FGF14: variants seen among roughly 807,000 people sequenced by gnomAD.
The protein encoded by FGF14 is fibroblast growth factor homologous factor 4.
Under a neutral mutation model 25.5 loss-of-function variants are expected in FGF14, and 5 were observed. The observed-to-expected ratio is 0.20, with a 90% confidence interval of 0.10 to 0.41. FGF14 has a LOEUF of 0.41. Ranked by LOEUF, FGF14 falls within the 10% of genes least tolerant of loss-of-function variation. The pLI is 1.00. For synonymous variants in FGF14, 138 were observed against 118.3 expected (o/e 1.17, Z -1.08); for missense variants, 222 against 320.1 (o/e 0.69, Z 2.34).
At chr13:102,186,101 C>G (rs2048863555) in intron 1 of FGF14, among the ~76,000 whole-genome samples, 1 of 151,908 alleles carries the variant, frequency 6.6e-6, no homozygotes, top group Non-Finnish European at 1.5e-5. Flanking sequence ...TGATTTTTTT[C>G]CAGGTTAAAA....
rs538845597 is a variant in FGF14 at position 101,991,899 on chromosome 13, G to A, written c.209-116603C>T. On this transcript the variant is annotated intron_variant, in intron 1 of 4. Transcript: ENST00000376131. ...TCATGTTTCCTTCACGCAGGGAGAA[G>A]GACAAAGTGACCTTTTTGAAATATG... 6.6e-5 allele frequency among the ~76,000 whole-genome samples: 10 copies of A among 152,024 alleles called. No individual in the cohort carries two copies. The East Asian group carries it at 1.7e-3, about 26-fold the overall frequency.
At chr13:101,859,889 T>A (rs1405661164) in intron 3 of FGF14, among the ~76,000 whole-genome samples, 1 of 152,072 alleles carries the variant, frequency 6.6e-6, no homozygotes, top group Admixed American at 6.6e-5. Flanking sequence ...AAAATGAAGC[T>A]TCAGAGAAAA....
intron 3 of FGF14, among the ~76,000 whole-genome samples, chr13:101,866,306 T>C (rs1178798587): frequency 6.6e-6 from 1 of 152,082 alleles, no homozygotes; most frequent in Non-Finnish European, 1.5e-5. Context: ...TGTCAGACCA[T>C]ATTATGAAAA....
intron 3 of FGF14, among the ~76,000 whole-genome samples, chr13:101,838,590 G>T (rs1312909941): frequency 6.6e-6 from 1 of 152,036 alleles, no homozygotes. Context: ...TAAAGTAAAT[G>T]TACTTTTTAC....
At position 101,712,797 on chromosome 13, in the gene FGF14, A is replaced by T. The variant is rs1163064062; in HGVS notation, c.*10034T>A. 6.6e-6 allele frequency: 1 copy of T among 152,184 alleles called. No homozygotes were observed. Among genetic ancestry groups the T allele is most frequent in the East Asian group, 1.9e-4 (1 of 5,186 alleles). The allele number at this position is 152,184 out of a possible 1,614,324, so 9.4% of individuals were successfully genotyped here. Reference sequence around the variant, plus strand: ...TTTTTTATGCCTAGAAATGTGAAAGAAAGTCTTCAAAATTAGGATAAAGAA... The same window carrying T: ...TTTTTTATGCCTAGAAATGTGAAAGTAAGTCTTCAAAATTAGGATAAAGAA... On this transcript the variant is annotated 3_prime_UTR_variant, in exon 5 of 5. Transcript: ENST00000376143.
intron 1 of FGF14, among the ~76,000 whole-genome samples, chr13:102,369,096 A>G (rs757483430): frequency 6.6e-6 from 1 of 152,222 alleles, no homozygotes; most frequent in Non-Finnish European, 1.5e-5. Flanking sequence ...TTTTCCATGC[A>G]AAACTGGAAT....
intron 1 of FGF14, among the ~76,000 whole-genome samples, chr13:101,984,245 T>G (rs1370724833): frequency 6.6e-6 from 1 of 152,174 alleles, no homozygotes; most frequent in Non-Finnish European, 1.5e-5. Flanking sequence ...GCTTTTTCAT[T>G]TGGCACCTTC....
At chr13:102,373,941 C>A (rs1404529661) in intron 1 of FGF14, among the ~76,000 whole-genome samples, 1 of 152,042 alleles carries the variant, frequency 6.6e-6, no homozygotes, top group Non-Finnish European at 1.5e-5. Context: ...GGGACCTGAG[C>A]ACTGAGATTT....
At chr13:102,348,873 G>C (rs2057190253) in intron 1 of FGF14, among the ~76,000 whole-genome samples, 2 of 152,132 alleles carry the variant, frequency 1.3e-5, no homozygotes, top group Non-Finnish European at 2.9e-5. Flanking sequence ...AACCTCGTTT[G>C]CATGCCTTTA....
chr13:102,263,579 T>C (rs762397888), intron 1 of FGF14, among the ~76,000 whole-genome samples: 1 of 152,204 alleles, frequency 6.6e-6, no homozygotes, highest in Non-Finnish European at 1.5e-5. Flanking sequence ...TTAGTTCACT[T>C]TTTACAATAT....
At chr13:101,731,893 C>T (rs560911839) in intron 3 of FGF14, among the ~76,000 whole-genome samples, 2 of 152,278 alleles carry the variant, frequency 1.3e-5, no homozygotes, top group East Asian at 1.9e-4. Flanking sequence ...TTCAGAGCTG[C>T]GTGGTCGAGA....
intron 1 of FGF14, among the ~76,000 whole-genome samples, chr13:101,887,275 A>G (rs1462319647): frequency 2.6e-5 from 4 of 151,910 alleles, no homozygotes; most frequent in African/African-American, 7.3e-5. Flanking sequence ...ATGTCCATCA[A>G]TGGATGAATG....
intron 1 of FGF14, among the ~76,000 whole-genome samples, chr13:102,298,913 AT>A (rs1216157221): frequency 2.6e-5 from 4 of 152,184 alleles, no homozygotes; most frequent in Non-Finnish European, 5.9e-5. Flanking sequence ...AACTGAATAA[AT>A]GTGATGTGCT....
Position 102,327,603 on chromosome 13 carries a change from G to A in FGF14, c.208+73868C>T, listed in dbSNP as rs141275784. 1.4e-3 allele frequency among the ~76,000 whole-genome samples: 220 copies of A among 152,282 alleles called. 2 individuals are homozygous for A. The highest frequency in any genetic ancestry group is 4.9e-3 in the African/African-American group (202 of 41,546). On this transcript the variant is annotated intron_variant, in intron 1 of 4. Transcript: ENST00000376131. ...TAATTCCAGCACTTTGGGATGCTAA[G>A]GCAGGAAGATCACTCAAAGCCAGAA...
intron 3 of FGF14, among the ~76,000 whole-genome samples, chr13:101,739,911 C>A (rs1423054212): frequency 6.6e-6 from 1 of 152,160 alleles, no homozygotes; most frequent in African/African-American, 2.4e-5. Context: ...CAACTTAGAA[C>A]CCTATGCCTG....
At chr13:102,364,305 C>A (rs907686139) in intron 1 of FGF14, among the ~76,000 whole-genome samples, 1 of 152,226 alleles carries the variant, frequency 6.6e-6, no homozygotes, top group African/African-American at 2.4e-5. Context: ...GATGCTTTAG[C>A]ATGACACTAC....
intron 1 of FGF14, among the ~76,000 whole-genome samples, chr13:102,020,195 T>C (rs1181536212): frequency 6.6e-6 from 1 of 151,990 alleles, no homozygotes; most frequent in Admixed American, 6.6e-5. Flanking sequence ...ATGAGAGTGG[T>C]TGCAGAAATG....
At chr13:101,900,765 T>A (rs2031440072) in intron 1 of FGF14, among the ~76,000 whole-genome samples, 1 of 152,204 alleles carries the variant, frequency 6.6e-6, no homozygotes, top group African/African-American at 2.4e-5. Flanking sequence ...AGTGTATTTA[T>A]TCACTCTGTA....
At chr13:101,960,673 A>G (rs1034304011) in intron 1 of FGF14, among the ~76,000 whole-genome samples, 1 of 152,190 alleles carries the variant, frequency 6.6e-6, no homozygotes, top group African/African-American at 2.4e-5. Flanking sequence ...ATATCTTTAC[A>G]ATAGAATGAT....
Sources: allele counts gnomAD v4.1 joint callset (sites outside exome capture counted in the v4.1 genomes callset), GRCh38; gene constraint gnomAD v4.1.1; transcripts MANE v1.5; gene names NCBI Gene and HGNC (gene_info 2026-07-23, HGNC 2026-07-21).